HTR1E: variants seen among roughly 807,000 people sequenced by gnomAD.
HTR1E encodes the protein 5-HT-1E.
HTR1E carries 3 observed loss-of-function variants against 3.4 expected under a neutral mutation model. The observed-to-expected ratio is 0.89, with a 90% CI of 0.41 to 2.31. The LOEUF (loss-of-function observed/expected upper bound fraction) is 2.31, where lower values mean the gene tolerates loss of function less well. Among genes scored for constraint, HTR1E ranks in the 30% most tolerant of loss-of-function variants. HTR1E has a pLI of 0.05. For synonymous variants in HTR1E, 170 were observed against 182.8 expected (o/e 0.93, Z 0.56); for missense variants, 392 against 467.0 (o/e 0.84, Z 1.48).
At chr6:86,996,271 A>G (rs998082319) in intron 1 of HTR1E, among the ~76,000 whole-genome samples, 2 of 152,306 alleles carry the variant, frequency 1.3e-5, no homozygotes, top group Admixed American at 6.5e-5. Flanking sequence ...CTCTGACCAC[A>G]ATGGAACCCA....
intron 1 of HTR1E, among the ~76,000 whole-genome samples, chr6:87,004,885 A>C (rs1305257212): frequency 2.0e-5 from 3 of 152,158 alleles, no homozygotes; most frequent in Non-Finnish European, 2.9e-5. Flanking sequence ...ACACAAATAC[A>C]ATCAAGTCAA....
intron 1 of HTR1E, among the ~76,000 whole-genome samples, chr6:86,982,641 G>A (rs1767731248): frequency 6.6e-6 from 1 of 152,090 alleles, no homozygotes. Flanking sequence ...GATCTTTAAG[G>A]TCCTAAACAC....
Position 87,015,916 on chromosome 6 carries a change from C to T in HTR1E, c.582C>T (p.Pro194=), listed in dbSNP as rs1768317176. 1 of 1,613,702 alleles carries T rather than the reference C, an allele frequency of 6.2e-7. No individual in the cohort carries two copies. Among genetic ancestry groups the T allele is most frequent in the Non-Finnish European group, 8.5e-7 (1 of 1,179,664 alleles). Residue 194 remains proline, a synonymous_variant, in exon 2 of 2, where the codon CCC becomes CCT. Transcript: ENST00000305344. ...IYSTLGAFYI[P]LTLILILYYR... ...CCACGCTGGGTGCGTTTTATATCCC[C>T]TTGACTTTGATACTGATTCTCTATT...
chr6:86,981,933 G>GT (rs1428135210), intron 1 of HTR1E, among the ~76,000 whole-genome samples: 1 of 152,164 alleles, frequency 6.6e-6, no homozygotes, highest in African/African-American at 2.4e-5. Context: ...ACTTCCATTG[G>GT]TTTTTCACAG....
intron 1 of HTR1E, among the ~76,000 whole-genome samples, chr6:86,994,501 C>T (rs1767909972): frequency 1.3e-5 from 2 of 152,018 alleles, no homozygotes; most frequent in Non-Finnish European, 2.9e-5. Flanking sequence ...CAGAAAAGAA[C>T]TGTCAACCCA....
At chr6:87,009,729 C>T (rs1371807676) in intron 1 of HTR1E, among the ~76,000 whole-genome samples, 2 of 144,748 alleles carry the variant, frequency 1.4e-5, no homozygotes, top group Middle Eastern at 3.4e-3. Flanking sequence ...GGCGGCTGGC[C>T]GGGCAGAGGG....
intron 1 of HTR1E, among the ~76,000 whole-genome samples, chr6:86,985,533 C>T (rs146187401): frequency 3.9e-5 from 6 of 151,958 alleles, no homozygotes; most frequent in Admixed American, 1.3e-4. Context: ...ATTTGAGTGC[C>T]TTAGAAAAAA....
intron 1 of HTR1E, among the ~76,000 whole-genome samples, chr6:86,975,765 C>T (rs1056324406): frequency 1.3e-5 from 2 of 152,054 alleles, no homozygotes; most frequent in South Asian, 4.1e-4. Flanking sequence ...TATTAGCATA[C>T]GTGAAACACA....
Position 87,015,764 on chromosome 6 carries a change from C to A in HTR1E, c.430C>A (p.Leu144Ile), listed in dbSNP as rs1768312990. The A allele has an allele frequency of 6.2e-7, 1 of 1,609,944 alleles. No homozygotes were observed. Among genetic ancestry groups the A allele is most frequent in the Non-Finnish European group, 8.5e-7 (1 of 1,177,564 alleles). ...GGCCAAGAGGGCCGCGCTGATGATC[C>A]TTACCGTCTGGACCATCTCCATTTT... ...RTAKRAALMILTVWTISIFIS... is the reference protein window; with the variant it reads ...RTAKRAALMIITVWTISIFIS... Residue 144 changes from leucine (L) to isoleucine (I), a missense_variant, in exon 2 of 2, where the codon CTT becomes ATT. Physicochemically the swap from Leu to Ile is conservative, Grantham distance 5. Coordinates refer to ENST00000305344, the MANE Select transcript of HTR1E (RefSeq NM_000865.3).
At chr6:86,984,738 G>T (rs1025285019) in intron 1 of HTR1E, among the ~76,000 whole-genome samples, 1 of 152,056 alleles carries the variant, frequency 6.6e-6, no homozygotes, top group African/African-American at 2.4e-5. Flanking sequence ...GGTCCCACAG[G>T]GTCTCATAAT....
rs147060180 is a variant in HTR1E at position 87,016,291 on chromosome 6, C to T, written c.957C>T (p.Tyr319=). ...IKELIVGLSI[Y]TVSSEVADFL... ...AGTTGATTGTGGGTCTGAGCATCTACACCGTGTCCTCGGAAGTGGCCGACT... is the reference window on the plus strand; with the variant it reads ...AGTTGATTGTGGGTCTGAGCATCTATACCGTGTCCTCGGAAGTGGCCGACT... Residue 319 remains tyrosine, a synonymous_variant, in exon 2 of 2, where the codon TAC becomes TAT. Coordinates refer to ENST00000305344, the MANE Select transcript of HTR1E (RefSeq NM_000865.3). The T allele has an allele frequency of 6.0e-5, 97 of 1,614,080 alleles. 2 individuals are homozygous for T. The African/African-American group carries it at 6.1e-4, about 10-fold the overall frequency.
chr6:86,945,372 G>C (rs1234889010), intron 1 of HTR1E, among the ~76,000 whole-genome samples: 2 of 151,974 alleles, frequency 1.3e-5, no homozygotes, highest in African/African-American at 4.8e-5. Context: ...CTTCCTAGTA[G>C]CTGGGATTAC....
chr6:86,959,264 T>TA (rs1366852350), intron 1 of HTR1E, among the ~76,000 whole-genome samples: 2 of 151,584 alleles, frequency 1.3e-5, no homozygotes, highest in East Asian at 3.9e-4. Context: ...AATCTCATCT[T>TA]AAAAAAAGAA....
chr6:86,986,905 T>C (rs1419806729), intron 1 of HTR1E, among the ~76,000 whole-genome samples: 1 of 152,042 alleles, frequency 6.6e-6, no homozygotes, highest in African/African-American at 2.4e-5. Flanking sequence ...AAAGTCCCCT[T>C]GGCCTCTTTC....
At chr6:86,970,886 C>A in intron 1 of HTR1E, 1 of 278,120 alleles carries the variant, frequency 3.6e-6, no homozygotes, top group Admixed American at 4.8e-5. Context: ...ATCAGGGTAC[C>A]CAAACCTGAA....
chr6:87,016,544 A>G lies in HTR1E; in HGVS notation c.*112A>G. On this transcript the variant is annotated 3_prime_UTR_variant, in exon 2 of 2. Coordinates refer to ENST00000305344, the MANE Select transcript of HTR1E (RefSeq NM_000865.3). ...ACTTGGTTCAGGAGAGTTTGTAAGT[A>G]TGTGTGGTCTTGTTTCCTTGTTTGT... The G allele has an allele frequency of 1.2e-6, 1 of 859,582 alleles. No individual in the cohort carries two copies. Among genetic ancestry groups the G allele is most frequent in the Non-Finnish European group, 1.8e-6 (1 of 561,502 alleles). The allele number at this position is 859,582 out of a possible 1,614,324, so 53.2% of individuals were successfully genotyped here.
chr6:86,958,130 C>T (rs1229207118), intron 1 of HTR1E, among the ~76,000 whole-genome samples: 1 of 148,698 alleles, frequency 6.7e-6, no homozygotes, highest in Non-Finnish European at 1.5e-5. Context: ...GCGATCTCGG[C>T]TCACTGCCAG....
chr6:86,991,994 C>G (rs370680816), intron 1 of HTR1E, among the ~76,000 whole-genome samples: 2 of 152,154 alleles, frequency 1.3e-5, no homozygotes, highest in African/African-American at 4.8e-5. Context: ...TTTCTGCCAC[C>G]CTGCCTTCTA....
intron 1 of HTR1E, among the ~76,000 whole-genome samples, chr6:86,938,154 G>A (rs529322128): frequency 6.6e-6 from 1 of 152,194 alleles, no homozygotes; most frequent in South Asian, 2.1e-4. Flanking sequence ...GGTATGGAAC[G>A]GGTGCTGGGG....
Sources: gnomAD v4.1 joint callset for allele counts (sites outside exome capture counted in the v4.1 genomes callset) on GRCh38, gnomAD v4.1.1 for gene constraint, MANE v1.5 for transcripts, NCBI Gene and HGNC (gene_info 2026-07-23, HGNC 2026-07-21) for gene names.